TUSC3: variants seen among roughly 807,000 people sequenced by gnomAD.
TUSC3 encodes the protein tumor suppressor candidate 3.
In TUSC3, 45 loss-of-function variants were observed where a neutral mutation model predicts 44.8. The observed-to-expected ratio is 1.00, with a 90% CI of 0.79 to 1.29. The LOEUF is 1.29. Among genes scored for constraint, TUSC3 ranks in the 50% most tolerant of loss-of-function variants. TUSC3 has a pLI of 0.00. For synonymous variants in TUSC3, 212 were observed against 152.9 expected (o/e 1.39, Z -2.85); for missense variants, 519 against 437.9 (o/e 1.19, Z -1.65).
At chr8:15,496,117 G>A (rs1800877083) in intron 2 of TUSC3, among the ~76,000 whole-genome samples, 1 of 152,148 alleles carries the variant, frequency 6.6e-6, no homozygotes, top group Non-Finnish European at 1.5e-5. Flanking sequence ...TAAAATTAGT[G>A]ATGCTCATGC....
At chr8:15,610,391 A>G (rs958638368) in intron 1 of TUSC3, among the ~76,000 whole-genome samples, 1 of 152,172 alleles carries the variant, frequency 6.6e-6, no homozygotes, top group Non-Finnish European at 1.5e-5. Context: ...ATGGAGAAAC[A>G]TTTCTGGTAT....
chr8:15,487,802 T>G (rs550925684), intron 2 of TUSC3, among the ~76,000 whole-genome samples: 11 of 151,872 alleles, frequency 7.2e-5, no homozygotes, highest in Non-Finnish European at 1.5e-4. Flanking sequence ...GATCACTTCA[T>G]TTGACATCGT....
At chr8:15,500,890 A>G (rs890195477) in intron 2 of TUSC3, among the ~76,000 whole-genome samples, 2 of 152,178 alleles carry the variant, frequency 1.3e-5, no homozygotes, top group African/African-American at 4.8e-5. Flanking sequence ...TGGCCTTTTT[A>G]ACCTTTTTCA....
intron 10 of TUSC3, among the ~76,000 whole-genome samples, chr8:15,760,873 G>A (rs879793622): frequency 4.6e-5 from 7 of 152,112 alleles, no homozygotes; most frequent in Non-Finnish European, 8.8e-5. Context: ...AGTTTCTTCG[G>A]TCGAGGCTGC....
intron 1 of TUSC3, among the ~76,000 whole-genome samples, chr8:15,608,790 C>T (rs550084156): frequency 2.6e-4 from 40 of 152,242 alleles, no homozygotes; most frequent in African/African-American, 6.0e-4. Context: ...TCCAGCCATG[C>T]GTAACTGTCA....
At chr8:15,447,221 C>G (rs1800117553) in intron 1 of TUSC3, among the ~76,000 whole-genome samples, 1 of 152,102 alleles carries the variant, frequency 6.6e-6, no homozygotes, top group Non-Finnish European at 1.5e-5. Context: ...GAAACAACTA[C>G]TATCATATTT....
chr8:15,658,631 CATATAT>C (rs146151106), intron 3 of TUSC3, among the ~76,000 whole-genome samples: 23 of 109,442 alleles, frequency 2.1e-4, no homozygotes, highest in Non-Finnish European at 3.0e-4. Context: ...TATATATACA[CATATAT>C]ATACACACAC....
chr8:15,850,743 G>T, the TUSC3 span, among the ~76,000 whole-genome samples: 5 of 152,184 alleles, frequency 3.3e-5, no homozygotes, highest in African/African-American at 4.8e-5. Flanking sequence ...GCCATAAAAA[G>T]AATTTTAAAC....
chr8:15,437,954 G>C (rs750637593), intron 1 of TUSC3, among the ~76,000 whole-genome samples: 1 of 152,186 alleles, frequency 6.6e-6, no homozygotes, highest in Non-Finnish European at 1.5e-5. Flanking sequence ...GAAGCAGGCA[G>C]AATAAAAGCT....
the TUSC3 span, among the ~76,000 whole-genome samples, chr8:15,836,347 G>A: frequency 2.6e-5 from 4 of 151,124 alleles, no homozygotes; most frequent in South Asian, 2.1e-4. Context: ...TTGCGCTGGC[G>A]GGTGCCTGTA....
the TUSC3 span, among the ~76,000 whole-genome samples, chr8:15,815,871 A>T: frequency 6.6e-6 from 1 of 152,186 alleles, no homozygotes; most frequent in Non-Finnish European, 1.5e-5. Flanking sequence ...TCCAGGGAAA[A>T]TTCCAGAATA....
At chr8:15,452,615 C>G (rs1010213284) in intron 1 of TUSC3, among the ~76,000 whole-genome samples, 1 of 152,190 alleles carries the variant, frequency 6.6e-6, no homozygotes, top group African/African-American at 2.4e-5. Context: ...ATAAGGCAGA[C>G]TTACGTCTGC....
chr8:15,607,667 A>C (rs79629551), intron 1 of TUSC3, among the ~76,000 whole-genome samples: 1 of 151,996 alleles, frequency 6.6e-6, no homozygotes, highest in African/African-American at 2.4e-5. Flanking sequence ...CTTTATCGCA[A>C]CTCCATCTTA....
At chr8:15,848,947 C>T in the TUSC3 span, among the ~76,000 whole-genome samples, 1 of 152,146 alleles carries the variant, frequency 6.6e-6, no homozygotes, top group Non-Finnish European at 1.5e-5. Flanking sequence ...AGTATTACTT[C>T]TTTACCTCAA....
intron 5 of TUSC3, among the ~76,000 whole-genome samples, chr8:15,673,275 A>G (rs1277689524): frequency 6.6e-6 from 1 of 152,230 alleles, no homozygotes; most frequent in African/African-American, 2.4e-5. Context: ...CTTTGCTGAA[A>G]GTATTTAGGT....
the TUSC3 span, among the ~76,000 whole-genome samples, chr8:15,781,078 G>A: frequency 6.6e-6 from 1 of 152,180 alleles, no homozygotes; most frequent in African/African-American, 2.4e-5. Flanking sequence ...AGCCTGAGCA[G>A]GAGCTTAGCA....
downstream of TUSC3, among the ~76,000 whole-genome samples, chr8:15,770,034 A>G (rs1276907354): frequency 6.6e-6 from 1 of 152,186 alleles, no homozygotes; most frequent in Non-Finnish European, 1.5e-5. Context: ...AATCAGAAAT[A>G]CCATTTGACC....
At chr8:15,518,126 T>A (rs1645373103) in intron 2 of TUSC3, among the ~76,000 whole-genome samples, 1 of 152,154 alleles carries the variant, frequency 6.6e-6, no homozygotes, top group Non-Finnish European at 1.5e-5. Flanking sequence ...CATAATTCCA[T>A]GTGGGCTTTT....
chr8:15,775,748 CTATATATATATATATATA>C, the TUSC3 span, among the ~76,000 whole-genome samples: 4 of 138,890 alleles, frequency 2.9e-5, no homozygotes, highest in African/African-American at 1.1e-4. Flanking sequence ...ATATATTACA[CTATATATATATATATATA>C]TATATATATA....
Sources: gnomAD v4.1 joint callset for allele counts (sites outside exome capture counted in the v4.1 genomes callset) on GRCh38, gnomAD v4.1.1 for gene constraint, MANE v1.5 for transcripts, NCBI Gene and HGNC (gene_info 2026-07-23, HGNC 2026-07-21) for gene names.